Variants in DAB1 observed in about 807,000 individuals in gnomAD.
The protein encoded by DAB1 is DAB adaptor protein 1, also known as disabled homolog 1.
In DAB1, 15 loss-of-function variants were observed where a neutral mutation model predicts 64.6. That is an observed-to-expected ratio of 0.23 (90% confidence interval 0.16 to 0.36). The LOEUF is 0.36. DAB1 is among the 10% of genes least tolerant of loss of function. The pLI is 1.00. For missense variants in DAB1, 596 were observed against 706.7 expected, an observed-to-expected ratio of 0.84 and a Z score of 1.78; for synonymous variants, 235 against 251.9, an observed-to-expected ratio of 0.93 and a Z score of 0.64.
intron 2 of DAB1, among the ~76,000 whole-genome samples, chr1:57,245,808 C>T (rs113232936): frequency 0.023 from 3,530 of 152,250 alleles, 134 homozygotes; most frequent in African/African-American, 0.08. Flanking sequence ...GTAATGGGAT[C>T]GCTGGGTCAA....
intron 2 of DAB1, chr1:58,506,217 C>A (rs1357156744): frequency 3.5e-6 from 3 of 860,326 alleles, no homozygotes; most frequent in African/African-American, 3.3e-5. Flanking sequence ...AGCCTAAAAC[C>A]AAAATTAGTA....
intron 1 of DAB1, among the ~76,000 whole-genome samples, chr1:57,400,214 C>A (rs1026725679): frequency 6.6e-6 from 1 of 152,042 alleles, no homozygotes; most frequent in African/African-American, 2.4e-5. Context: ...CAAGTCCATG[C>A]AAGAAACATA....
chr1:57,760,620 TCACA>T (rs60457752), intron 6 of DAB1, among the ~76,000 whole-genome samples: 7,662 of 140,438 alleles, frequency 0.055, 218 homozygotes, highest in Middle Eastern at 0.094. Context: ...TCTCTCTCTC[TCACA>T]CACACACACA....
chr1:57,191,866 C>T (rs1052217631), intron 2 of DAB1, among the ~76,000 whole-genome samples: 1 of 152,094 alleles, frequency 6.6e-6, no homozygotes, highest in Non-Finnish European at 1.5e-5. Context: ...ATGATAATAC[C>T]TACCCCTATT....
rs186553688 is a variant in DAB1, at chr1:57,846,214, C to T, written n.88-19759G>A. ...GTGGCTCAAGCCTGTAATCCCAGCA[C>T]TTTGGGAGGCCGAGGTGGGCAGATC... On this transcript the variant is annotated intron_variant and non_coding_transcript_variant, in intron 1 of 1. Transcript: ENST00000477280. Among the ~76,000 whole-genome samples, 193 of 152,208 alleles carry T rather than the reference C, an allele frequency of 1.3e-3. 1 individual carries two copies. The highest frequency in any genetic ancestry group is 2.2e-3 in the Admixed American group (34 of 15,294).
At chr1:57,500,805 C>G (rs566230901) in intron 7 of DAB1, among the ~76,000 whole-genome samples, 1 of 152,156 alleles carries the variant, frequency 6.6e-6, no homozygotes, top group Non-Finnish European at 1.5e-5. Context: ...TTGGGGCTGA[C>G]TGACTGAATT....
At chr1:57,835,811 C>T (rs2101909248) in intron 1 of DAB1, among the ~76,000 whole-genome samples, 1 of 152,314 alleles carries the variant, frequency 6.6e-6, no homozygotes, top group South Asian at 2.1e-4. Context: ...CCAGATGCTG[C>T]TGTTTCCGAA....
chr1:57,785,479 T>A (rs1449487149), intron 6 of DAB1, among the ~76,000 whole-genome samples: 1 of 152,118 alleles, frequency 6.6e-6, no homozygotes, highest in Non-Finnish European at 1.5e-5. Flanking sequence ...ACACTGTGAC[T>A]CAAGGGAGGA....
chr1:57,781,837 T>G (rs1392141099), intron 6 of DAB1, among the ~76,000 whole-genome samples: 1 of 152,140 alleles, frequency 6.6e-6, no homozygotes, highest in African/African-American at 2.4e-5. Flanking sequence ...ATTTGGATCT[T>G]TACCTTTCTG....
chr1:58,545,207 A>G (rs1288697444), intron 1 of DAB1, among the ~76,000 whole-genome samples: 1 of 152,216 alleles, frequency 6.6e-6, no homozygotes, highest in East Asian at 1.9e-4. Context: ...GTCTATGCAC[A>G]TCTATTCACA....
At chr1:57,036,573 T>G (rs539046118) in intron 9 of DAB1, among the ~76,000 whole-genome samples, 75 of 152,358 alleles carry the variant, frequency 4.9e-4, no homozygotes, top group African/African-American at 1.8e-3. Flanking sequence ...AAATCTTGTT[T>G]TACCCACAAT....
At chr1:57,128,556 G>A (rs899931865) in intron 4 of DAB1, among the ~76,000 whole-genome samples, 2 of 151,966 alleles carry the variant, frequency 1.3e-5, no homozygotes, top group Admixed American at 6.6e-5. Flanking sequence ...TATAACACTC[G>A]GAGCCTAAAA....
intron 1 of DAB1, among the ~76,000 whole-genome samples, chr1:57,364,435 T>C (rs1679801848): frequency 6.6e-6 from 1 of 152,102 alleles, no homozygotes; most frequent in Admixed American, 6.6e-5. Context: ...CATTACCATT[T>C]ACTAGCCGTG....
intron 3 of DAB1, among the ~76,000 whole-genome samples, chr1:58,447,393 GAAAGGACAC>G (rs60104483): frequency 0.14 from 20,814 of 152,082 alleles, 1,765 homozygotes; most frequent in East Asian, 0.29. Context: ...TTCAGTCTCA[GAAAGGACAC>G]AAAGATAAAC....
At chr1:57,506,898 C>T (rs1644350263) in intron 7 of DAB1, among the ~76,000 whole-genome samples, 1 of 152,086 alleles carries the variant, frequency 6.6e-6, no homozygotes, top group Admixed American at 6.5e-5. Flanking sequence ...TCTGAACCCA[C>T]CATTCCCTCT....
At chr1:57,294,254 T>G (rs1673014153) in intron 1 of DAB1, among the ~76,000 whole-genome samples, 1 of 152,208 alleles carries the variant, frequency 6.6e-6, no homozygotes, top group Non-Finnish European at 1.5e-5. Flanking sequence ...TTCAATAATA[T>G]TTCTTTGCTC....
At chr1:57,498,268 C>T (rs538479717) in intron 7 of DAB1, among the ~76,000 whole-genome samples, 33 of 152,254 alleles carry the variant, frequency 2.2e-4, no homozygotes, top group African/African-American at 6.7e-4. Flanking sequence ...TCAGGGAAGG[C>T]TGTGCATTGG....
chr1:57,443,729 C>G (rs1364054405), intron 7 of DAB1, among the ~76,000 whole-genome samples: 5 of 152,152 alleles, frequency 3.3e-5, no homozygotes, highest in Non-Finnish European at 7.4e-5. Context: ...TTGGGAATTC[C>G]TACCTCCAAC....
intron 5 of DAB1, among the ~76,000 whole-genome samples, chr1:58,114,471 C>A (rs552963444): frequency 1.3e-5 from 2 of 152,210 alleles, no homozygotes; most frequent in Non-Finnish European, 2.9e-5. Context: ...GCATTCCAGT[C>A]TCATTGCCAG....
Sources: gnomAD v4.1 joint callset for allele counts (sites outside exome capture counted in the v4.1 genomes callset) on GRCh38, gnomAD v4.1.1 for gene constraint, MANE v1.5 for transcripts, NCBI Gene and HGNC (gene_info 2026-07-23, HGNC 2026-07-21) for gene names.